The following BLTP1 variants were observed in gnomAD, a reference collection of about 807,000 sequenced individuals.
BLTP1 encodes bridge-like lipid transfer protein family member 1.
chr4:122,197,960 G>T, the BLTP1 span: 1 of 984,132 alleles, frequency 1.0e-6, no homozygotes, highest in South Asian at 4.7e-5. Flanking sequence ...TTTCTTTCTT[G>T]AGAGTAAAGA....
chr4:122,325,274 A>T, the BLTP1 span: 1 of 1,609,826 alleles, frequency 6.2e-7, no homozygotes, highest in Non-Finnish European at 8.5e-7. Context: ...ATCCGTGTGG[A>T]TGCAGCATCT....
the BLTP1 span, chr4:122,207,889 G>A: frequency 6.0e-5 from 59 of 984,158 alleles, no homozygotes; most frequent in Non-Finnish European, 7.1e-5. Context: ...TCTGATCTCT[G>A]TGGCTAATCT....
the BLTP1 span, among the ~76,000 whole-genome samples, chr4:122,265,846 C>A: frequency 2.6e-5 from 4 of 152,128 alleles, no homozygotes; most frequent in South Asian, 8.3e-4. Flanking sequence ...TACAGGCACC[C>A]GCCACTATGC....
the BLTP1 span, chr4:122,185,118 A>G: frequency 1.9e-5 from 19 of 983,208 alleles, no homozygotes; most frequent in Non-Finnish European, 2.3e-5. Flanking sequence ...GTTTAAATCT[A>G]TATTCCTGTA....
the BLTP1 span, chr4:122,239,619 G>C: frequency 1.2e-6 from 2 of 1,614,086 alleles, no homozygotes; most frequent in South Asian, 2.2e-5. Flanking sequence ...ACAAGCCTCT[G>C]TCTGTTCCAC....
chr4:122,315,658 A>G, the BLTP1 span: 1 of 1,614,086 alleles, frequency 6.2e-7, no homozygotes, highest in Non-Finnish European at 8.5e-7. Context: ...ATGAGGATGA[A>G]GTTGATACTA....
the BLTP1 span, among the ~76,000 whole-genome samples, chr4:122,357,824 T>C: frequency 6.6e-6 from 1 of 152,204 alleles, no homozygotes; most frequent in East Asian, 1.9e-4. Flanking sequence ...TATTGTTTCA[T>C]TTTCTTCATG....
At chr4:122,345,984 C>T in the BLTP1 span, 7 of 979,688 alleles carry the variant, frequency 7.1e-6, no homozygotes, top group Non-Finnish European at 7.3e-6. Context: ...AAGGAAATGT[C>T]TATAGGACAT....
At chr4:122,208,002 C>A in the BLTP1 span, 2 of 985,124 alleles carry the variant, frequency 2.0e-6, no homozygotes, top group Non-Finnish European at 2.4e-6. Context: ...CAAGGAGTAA[C>A]CACAGTAGCT....
the BLTP1 span, chr4:122,334,234 T>G: frequency 9.5e-7 from 1 of 1,051,382 alleles, no homozygotes; most frequent in South Asian, 1.7e-5. Context: ...CTTTTAAAAG[T>G]TAAAACAGTC....
At chr4:122,162,462 T>G in the BLTP1 span, 1 of 954,154 alleles carries the variant, frequency 1.0e-6, no homozygotes, top group South Asian at 4.8e-5. Context: ...CTTGAGGACC[T>G]GTGGGCAGGT....
chr4:122,335,666 G>C, the BLTP1 span, among the ~76,000 whole-genome samples: 1 of 152,038 alleles, frequency 6.6e-6, no homozygotes, highest in African/African-American at 2.4e-5. Context: ...TCCTGGATTT[G>C]AACAACTAAT....
chr4:122,270,407 T>C, the BLTP1 span: 1 of 944,386 alleles, frequency 1.1e-6, no homozygotes, highest in African/African-American at 1.8e-5. Context: ...TTTATAGAAA[T>C]TTGAGATATT....
the BLTP1 span, among the ~76,000 whole-genome samples, chr4:122,345,628 A>T: frequency 6.6e-6 from 1 of 151,250 alleles, no homozygotes; most frequent in Admixed American, 6.6e-5. Flanking sequence ...ATGATAAAGA[A>T]TTGGGTTCTG....
At chr4:122,238,366 G>T in the BLTP1 span, 1 of 1,602,546 alleles carries the variant, frequency 6.2e-7, no homozygotes, top group Non-Finnish European at 8.5e-7. Context: ...TATTCACTTA[G>T]ATTTAGAAGC....
At chr4:122,316,540 TG>T in the BLTP1 span, 4 of 658,352 alleles carry the variant, frequency 6.1e-6, no homozygotes, top group Non-Finnish European at 1.1e-5. Context: ...AGCACACTCA[TG>T]GGGAAACGTA....
the BLTP1 span, chr4:122,167,734 C>T: frequency 2.0e-6 from 2 of 985,230 alleles, no homozygotes; most frequent in South Asian, 4.7e-5. Flanking sequence ...TTAATTTATT[C>T]ATATCAGGCT....
At chr4:122,313,648 T>C in the BLTP1 span, 1 of 1,589,474 alleles carries the variant, frequency 6.3e-7, no homozygotes, top group Non-Finnish European at 8.6e-7. Context: ...AGATGGCACC[T>C]ATGAAGTATG....
chr4:122,245,858 A>G, the BLTP1 span, among the ~76,000 whole-genome samples: 1 of 152,160 alleles, frequency 6.6e-6, no homozygotes, highest in Non-Finnish European at 1.5e-5. Flanking sequence ...GTTTGTTTTC[A>G]AGCCAGAAGA....
Sources: gnomAD v4.1 joint callset for allele counts (sites outside exome capture counted in the v4.1 genomes callset) on GRCh38, gnomAD v4.1.1 for gene constraint, MANE v1.5 for transcripts, NCBI Gene and HGNC (gene_info 2026-07-23, HGNC 2026-07-21) for gene names.